HIPK2: variants seen among roughly 807,000 people sequenced by gnomAD.
HIPK2 encodes the protein homeodomain-interacting protein kinase 2.
In HIPK2, 27 loss-of-function variants were observed where a neutral mutation model predicts 113.7. The ratio of observed to expected loss-of-function variants is 0.24; its 90% CI spans 0.17 to 0.33. HIPK2 has a LOEUF of 0.33. HIPK2 is among the 10% of genes least tolerant of loss of function. HIPK2 has a pLI of 1.00. For synonymous variants in HIPK2, 631 were observed against 642.2 expected (o/e 0.98, Z 0.26); for missense variants, 1,257 against 1,588.0 (o/e 0.79, Z 3.54).
At chr7:139,727,798 C>T (rs890771511) in intron 1 of HIPK2, among the ~76,000 whole-genome samples, 1 of 152,186 alleles carries the variant, frequency 6.6e-6, no homozygotes, top group Non-Finnish European at 1.5e-5. Context: ...AATTCCCAAT[C>T]CAATCCAGTG....
In HIPK2 at chr7:139,716,898, G is replaced by A. The variant is rs959052812; in HGVS notation, c.137C>T (p.Ser46Phe). The A allele has an allele frequency of 6.2e-7, 1 of 1,613,898 alleles. No individual in the cohort carries two copies. The highest frequency in any genetic ancestry group is 8.5e-7 in the Non-Finnish European group (1 of 1,179,874). Residue 46 changes from serine to phenylalanine, a missense_variant, in exon 2 of 15, where the codon TCC (serine) becomes TTC (phenylalanine). Around this residue, in one of 5 missense-constraint regions of HIPK2, gnomAD observed 209 missense variants for 237.8 expected, o/e 0.88. Transcript: ENST00000406875. The surrounding 1 kb of genome is among the most constrained non-coding windows in gnomAD (Gnocchi z 9.3). ...SSNWDMTGYG[S>F]HSKVYSQSKN... ...GCTCTGGCTATACACTTTGCTGTGG[G>A]AGCCGTACCCAGTCATGTCCCAGTT...
chr7:139,777,981 C>T lies in HIPK2; in HGVS notation c.-358G>A, dbSNP rs1796822645. Reference sequence around the variant, plus strand: ...GGGGGCAGCGCGCGGCCAGGGCCGGCGGGGCTCAGCTCAGCATGGCTGGGC... The same window carrying T: ...GGGGGCAGCGCGCGGCCAGGGCCGGTGGGGCTCAGCTCAGCATGGCTGGGC... On this transcript the variant is annotated 5_prime_UTR_variant, in exon 1 of 15. Transcript: ENST00000406875. Among the ~76,000 whole-genome samples the T allele has an allele frequency of 7.6e-6, 1 of 132,372 alleles. No individual in the cohort carries two copies. Among genetic ancestry groups the T allele is most frequent in the South Asian group, 2.7e-4 (1 of 3,722 alleles). The allele number at this position is 132,372 out of a possible 152,430, so 86.8% of individuals were successfully genotyped here.
intron 2 of HIPK2, among the ~76,000 whole-genome samples, chr7:139,634,109 C>CAA (rs57278111): frequency 8.0e-5 from 11 of 137,226 alleles, no homozygotes; most frequent in African/African-American, 2.1e-4. Context: ...GACCCTGTCT[C>CAA]AAAAAAAAAA....
At chr7:139,667,553 C>T (rs1802091510) in intron 2 of HIPK2, among the ~76,000 whole-genome samples, 1 of 152,140 alleles carries the variant, frequency 6.6e-6, no homozygotes, top group Admixed American at 6.5e-5. Flanking sequence ...TGTCACTAAT[C>T]TGGTGCTGAA....
intron 2 of HIPK2, among the ~76,000 whole-genome samples, chr7:139,663,656 G>A (rs1801945875): frequency 6.6e-6 from 1 of 152,212 alleles, no homozygotes; most frequent in South Asian, 2.1e-4. Flanking sequence ...AACGGCAACT[G>A]TAAATAGCTT....
intron 1 of HIPK2, among the ~76,000 whole-genome samples, chr7:139,732,941 GAC>G (rs1200355658): frequency 1.3e-5 from 2 of 151,770 alleles, no homozygotes; most frequent in African/African-American, 4.8e-5. Context: ...GGTGGGAGGT[GAC>G]TGGATCATGC....
chr7:139,696,362 CAGG>C (rs1794566767), intron 2 of HIPK2, among the ~76,000 whole-genome samples: 2 of 151,966 alleles, frequency 1.3e-5, no homozygotes, highest in African/African-American at 4.8e-5. Context: ...CACTTGAGGC[CAGG>C]AGTTTGAGAC....
chr7:139,631,841 C>T lies in HIPK2; in HGVS notation c.1104-116G>A, dbSNP rs371400976. 94 of 1,314,522 alleles carry T rather than the reference C, an allele frequency of 7.2e-5. No homozygotes were observed. The East Asian group carries it at 2.2e-3, about 31-fold the overall frequency. The allele number at this position is 1,314,522 out of a possible 1,614,324, so 81.4% of individuals were successfully genotyped here. ...ATTACTGACTCCTCCTCTGAAGGGC[C>T]TGTGGCTCTCAGGAGAGGCGCTGTG... On this transcript the variant is annotated intron_variant, in intron 2 of 14. Transcript: ENST00000406875. This position sits in a 1 kb window ranked among gnomAD's most constrained non-coding sequence, Gnocchi z 4.9.
intron 2 of HIPK2, among the ~76,000 whole-genome samples, chr7:139,698,159 C>T (rs1431244272): frequency 6.6e-6 from 1 of 152,234 alleles, no homozygotes; most frequent in African/African-American, 2.4e-5. Flanking sequence ...GCTACTGCAC[C>T]TAGCCATCTT....
At chr7:139,623,308 C>T (rs181495310) in intron 6 of HIPK2, among the ~76,000 whole-genome samples, 88 of 152,040 alleles carry the variant, frequency 5.8e-4, no homozygotes, top group Non-Finnish European at 1.1e-3. Flanking sequence ...GTCAGGAGCT[C>T]GAGACCAGCC....
intron 2 of HIPK2, among the ~76,000 whole-genome samples, chr7:139,662,427 A>C (rs1477071917): frequency 6.6e-6 from 1 of 152,218 alleles, no homozygotes; most frequent in African/African-American, 2.4e-5. Context: ...GTGAGGTCAC[A>C]TGGGTACCCT....
intron 2 of HIPK2, among the ~76,000 whole-genome samples, chr7:139,679,826 TTGAC>T (rs1234824357): frequency 1.3e-5 from 2 of 152,022 alleles, no homozygotes; most frequent in Non-Finnish European, 2.9e-5. Context: ...AACTCAAACA[TTGAC>T]TGGCAAAAGG....
chr7:139,717,142 AGGTTG>A, intron 1 of HIPK2, 127 bp from the exon 2 acceptor site: 1 of 1,231,430 alleles, frequency 8.1e-7, no homozygotes, highest in Admixed American at 2.9e-5. Flanking sequence ...CTTGAAAACA[AGGTTG>A]AAAAAGTGAA....
intron 12 of HIPK2, among the ~76,000 whole-genome samples, chr7:139,594,740 C>T (rs371961872): frequency 7.2e-5 from 11 of 152,264 alleles, no homozygotes; most frequent in African/African-American, 1.9e-4. Flanking sequence ...CTCATGTGTC[C>T]GGCACATTTT....
chr7:139,685,518 G>A (rs1794188881), intron 2 of HIPK2, among the ~76,000 whole-genome samples: 1 of 152,210 alleles, frequency 6.6e-6, no homozygotes, highest in African/African-American at 2.4e-5. Flanking sequence ...TGCCATCTAG[G>A]ACTTTCGTAG....
At position 139,569,393 on chromosome 7, in the gene HIPK2, G is replaced by C. The variant is rs1798193340; in HGVS notation, c.*3534C>G. On this transcript the variant is annotated 3_prime_UTR_variant, in exon 15 of 15. Transcript: ENST00000406875. ...AGGATGGATTGTGGGGAAGCGGATG[G>C]GGTCACCTCTGGGAGGGAATTTTCT... 2 of 152,282 alleles carry C rather than the reference G, an allele frequency of 1.3e-5. No individual in the cohort carries two copies. The highest frequency in any genetic ancestry group is 4.1e-4 in the South Asian group (2 of 4,828). The allele number at this position is 152,282 out of a possible 1,614,324, so 9.4% of individuals were successfully genotyped here.
At position 139,613,110 on chromosome 7, in the gene HIPK2, T is replaced by TAGGGAGAG. The variant is rs1475762558; in HGVS notation, c.2112+84_2112+91dup. ...TGACTAGAAGCACCTAACTCATTAC[T>TAGGGAGAG]AGGGAGAGAGGGAGTGGAGATATAT... On this transcript the variant is annotated intron_variant, in intron 9 of 14. Coordinates refer to ENST00000406875, the MANE Select transcript of HIPK2 (RefSeq NM_022740.5). The surrounding 1 kb of genome is among the most constrained non-coding windows in gnomAD (Gnocchi z 4.2). The TAGGGAGAG allele has an allele frequency of 4.2e-5, 62 of 1,476,178 alleles. No individual in the cohort carries two copies. The African/African-American group carries it at 6.8e-4, about 16-fold the overall frequency. 91.4% of individuals were successfully genotyped at this position (1,476,178 alleles called of 1,614,324 possible). A position where few individuals can be genotyped will look rare whatever the true frequency, so the allele number is the denominator to read the frequency against.
rs1197897915 is a variant in HIPK2, at chr7:139,777,634, G to T, written c.-11C>A. 7.3e-6 allele frequency: 8 copies of T among 1,089,660 alleles called. No individual in the cohort carries two copies. The highest frequency in any genetic ancestry group is 8.9e-6 in the Non-Finnish European group (8 of 895,570). 67.5% of individuals were successfully genotyped at this position (1,089,660 alleles called of 1,614,324 possible). ...GTACACGGGGGCCATCGGGGCCGGG[G>T]TGTCCGCGGTTCATGGCAACGGGGA... On this transcript the variant is annotated 5_prime_UTR_variant, in exon 1 of 15. Transcript: ENST00000406875.
intron 12 of HIPK2, 88 bp downstream of exon 12, chr7:139,596,629 T>C (rs966084709): frequency 2.6e-6 from 4 of 1,519,294 alleles, no homozygotes; most frequent in Admixed American, 1.7e-5. Flanking sequence ...GAGGGATCCT[T>C]ATGTTTGATG....
Sources: allele counts gnomAD v4.1 joint callset (sites outside exome capture counted in the v4.1 genomes callset), GRCh38; gene constraint gnomAD v4.1.1; regional missense constraint gnomAD v4.1.1; non-coding constraint Gnocchi (gnomAD v3.1); transcripts MANE v1.5; gene names NCBI Gene and HGNC (gene_info 2026-07-23, HGNC 2026-07-21).